The following TSNARE1 variants were observed in gnomAD, a reference collection of about 807,000 sequenced individuals.
The protein encoded by TSNARE1 is t-SNARE domain-containing protein 1.
TSNARE1 carries 49 observed loss-of-function variants against 62.0 expected under a neutral mutation model. That is an observed-to-expected ratio of 0.79 (90% CI 0.63 to 1.00). The LOEUF is 1.00. TSNARE1 is among the 50% of genes least tolerant of loss of function. The pLI, the probability that TSNARE1 is intolerant of heterozygous loss-of-function variation, is 0.00. For missense variants in TSNARE1, 755 were observed against 700.1 expected, an observed-to-expected ratio of 1.08 and a Z score of -0.88; for synonymous variants, 328 against 294.4, an observed-to-expected ratio of 1.11 and a Z score of -1.17.
chr8:142,277,019 T>C, intron 11 of TSNARE1: 1 of 985,424 alleles, frequency 1.0e-6, no homozygotes. Flanking sequence ...CGCGTGTTGC[T>C]CGTGGGGTGA....
At chr8:142,375,323 A>G (rs1836248574) in intron 1 of TSNARE1, among the ~76,000 whole-genome samples, 1 of 152,244 alleles carries the variant, frequency 6.6e-6, no homozygotes, top group African/African-American at 2.4e-5. Context: ...GACAGAGAGC[A>G]GCAGTGGAGC....
intron 4 of TSNARE1, among the ~76,000 whole-genome samples, chr8:142,333,846 C>T (rs1831391373): frequency 6.6e-6 from 1 of 152,238 alleles, no homozygotes; most frequent in African/African-American, 2.4e-5. Context: ...GCCAGGCGGC[C>T]TCCAGGAAGG....
intron 11 of TSNARE1, among the ~76,000 whole-genome samples, chr8:142,279,104 C>T (rs1232189560): frequency 6.6e-6 from 1 of 152,134 alleles, no homozygotes; most frequent in Non-Finnish European, 1.5e-5. Context: ...AGCCCTCCTT[C>T]TTCCCAGACA....
rs539752945 is a variant in TSNARE1 at position 142,269,832 on chromosome 8, G to A, written c.1446+4949C>T. The A allele has an allele frequency of 7.0e-4, 691 of 985,474 alleles. 2 individuals carry two copies. Among genetic ancestry groups the A allele is most frequent in the South Asian group, 5.4e-3 (114 of 21,288 alleles). The allele number at this position is 985,474 out of a possible 1,614,324, so 61.0% of individuals were successfully genotyped here. A position where few individuals can be genotyped will look rare whatever the true frequency, so the allele number is the denominator to read the frequency against. ...GGGGTAGCCTGGAGGGAGGCCAGGCGTGCGCAGAAGGCAGCTGGACATGTG... is the reference window on the plus strand; with the variant it reads ...GGGGTAGCCTGGAGGGAGGCCAGGCATGCGCAGAAGGCAGCTGGACATGTG... On this transcript the variant is annotated intron_variant, in intron 12 of 13. Coordinates refer to ENST00000524325, the MANE Select transcript of TSNARE1 (RefSeq NM_145003.5).
chr8:142,264,734 T>C (rs1387293720), intron 12 of TSNARE1, among the ~76,000 whole-genome samples: 4 of 152,250 alleles, frequency 2.6e-5, no homozygotes. Context: ...CTCTTTTGCA[T>C]AGCTTTTGAC....
intron 9 of TSNARE1, among the ~76,000 whole-genome samples, chr8:142,302,016 G>A (rs1227020331): frequency 6.6e-6 from 1 of 152,284 alleles, no homozygotes; most frequent in South Asian, 2.1e-4. Flanking sequence ...GCCCACTGAT[G>A]CCACGCCGGC....
chr8:142,239,670 A>G (rs1242997455), intron 12 of TSNARE1, among the ~76,000 whole-genome samples: 1 of 152,236 alleles, frequency 6.6e-6, no homozygotes, highest in Non-Finnish European at 1.5e-5. Context: ...AGGAAGCGTT[A>G]ATGGAGTAAT....
At chr8:142,384,257 G>A (rs1308749991) in intron 1 of TSNARE1, among the ~76,000 whole-genome samples, 1 of 152,162 alleles carries the variant, frequency 6.6e-6, no homozygotes, top group African/African-American at 2.4e-5. Flanking sequence ...GAAAGCTACT[G>A]TATCCCCTAC....
At chr8:142,284,925 T>C (rs912896697) in intron 10 of TSNARE1, among the ~76,000 whole-genome samples, 4 of 152,208 alleles carry the variant, frequency 2.6e-5, no homozygotes, top group South Asian at 2.1e-4. Context: ...CCATCCCCAC[T>C]TGCCTGGGTG....
intron 12 of TSNARE1, among the ~76,000 whole-genome samples, chr8:142,235,412 C>T (rs1358133447): frequency 2.3e-4 from 35 of 150,392 alleles, no homozygotes; most frequent in African/African-American, 7.8e-4. Flanking sequence ...CCCCTACCCC[C>T]GGCCCCTTCC....
intron 13 of TSNARE1, among the ~76,000 whole-genome samples, chr8:142,220,572 G>A (rs182400881): frequency 4.3e-4 from 66 of 152,290 alleles, no homozygotes; most frequent in African/African-American, 1.6e-3. Flanking sequence ...TCCAGATTCC[G>A]ACCTGGAACC....
chr8:142,381,473 C>CA (rs1285504565), intron 1 of TSNARE1, among the ~76,000 whole-genome samples: 1 of 152,118 alleles, frequency 6.6e-6, no homozygotes. Context: ...TCAGCGCCCC[C>CA]CCCCACCCCA....
At chr8:142,271,045 C>T (rs1195256416) in intron 12 of TSNARE1, 1 of 985,840 alleles carries the variant, frequency 1.0e-6, no homozygotes. Context: ...GACTGGAGGC[C>T]CTGCTCCTGC....
chr8:142,336,438 T>C (rs1234674363), intron 4 of TSNARE1, among the ~76,000 whole-genome samples: 1 of 152,022 alleles, frequency 6.6e-6, no homozygotes, highest in Non-Finnish European at 1.5e-5. Context: ...GCTACACTAA[T>C]ATCAGAGTAG....
intron 1 of TSNARE1, among the ~76,000 whole-genome samples, chr8:142,398,038 C>A (rs930652888): frequency 6.6e-6 from 1 of 152,144 alleles, no homozygotes; most frequent in African/African-American, 2.4e-5. Context: ...CACAGGCTGA[C>A]CCGAGTCAGA....
At chr8:142,280,114 A>G in intron 11 of TSNARE1, 2 of 1,145,574 alleles carry the variant, frequency 1.7e-6, no homozygotes, top group Non-Finnish European at 2.2e-6. Context: ...TGTGCCCCGC[A>G]GCGCCCCGAA....
At chr8:142,217,450 G>A (rs1490481150) in intron 13 of TSNARE1, among the ~76,000 whole-genome samples, 1 of 152,218 alleles carries the variant, frequency 6.6e-6, no homozygotes, top group Non-Finnish European at 1.5e-5. Flanking sequence ...GGGCCCCTCT[G>A]CTGCTGTCCA....
rs534318902 is a variant in TSNARE1, at chr8:142,291,961, GC to G, written c.1291-7477del. The stretch of plus-strand genomic sequence containing the variant: ...CCCGTGGACGGTCACAGCAACGCAC[GC>G]CCCCCCCGGCCCCCCACCTGTTTCA... On this transcript the variant is annotated intron_variant, in intron 10 of 13. Transcript: ENST00000524325. The surrounding 1 kb of genome is among the most constrained non-coding windows in gnomAD (Gnocchi z 4.8). 9.9e-5 allele frequency among the ~76,000 whole-genome samples: 15 copies of G among 151,118 alleles called. No homozygotes were observed. Among genetic ancestry groups the G allele is most frequent in the South Asian group, 2.1e-4 (1 of 4,742 alleles).
chr8:142,262,513 C>T (rs540332769), intron 12 of TSNARE1, among the ~76,000 whole-genome samples: 8 of 152,150 alleles, frequency 5.3e-5, no homozygotes, highest in South Asian at 4.1e-4. Context: ...TGTGTGTACC[C>T]GCCCAAATCT....
Sources: allele counts gnomAD v4.1 joint callset (sites outside exome capture counted in the v4.1 genomes callset), GRCh38; gene constraint gnomAD v4.1.1; non-coding constraint Gnocchi (gnomAD v3.1); transcripts MANE v1.5; gene names NCBI Gene and HGNC (gene_info 2026-07-23, HGNC 2026-07-21).